The following TECR variants were observed in gnomAD, a reference collection of about 807,000 sequenced individuals.
TECR encodes the protein very-long-chain enoyl-CoA reductase.
TECR carries 19 observed loss-of-function variants against 50.6 expected under a neutral mutation model. The ratio of observed to expected loss-of-function variants is 0.38; its 90% CI spans 0.26 to 0.55. The LOEUF is 0.55. Ranked by LOEUF, TECR falls within the 20% of genes least tolerant of loss-of-function variation. TECR has a pLI of 0.79. For missense variants in TECR, 313 were observed against 408.3 expected, an observed-to-expected ratio of 0.77 and a Z score of 2.01; for synonymous variants, 168 against 163.5, an observed-to-expected ratio of 1.03 and a Z score of -0.21.
rs552655055 is a variant in TECR at position 14,557,132 on chromosome 19, T to A, written c.16-5393T>A. On this transcript the variant is annotated intron_variant, in intron 1 of 12. Coordinates refer to ENST00000215567, the MANE Select transcript of TECR (RefSeq NM_138501.6). ...GTCTAATCTTATTTATTTATTTATT[T>A]ATTTATTTATTTATTTATTTATTTT... Among the ~76,000 whole-genome samples the A allele has an allele frequency of 2.7e-3, 406 of 150,344 alleles. 4 individuals are homozygous for A. Among genetic ancestry groups the A allele is most frequent in the African/African-American group, 9.5e-3 (389 of 41,002 alleles).
At position 14,563,201 on chromosome 19, in the gene TECR, C is replaced by G; in HGVS notation, c.67-5C>G. On this transcript the variant is annotated splice_polypyrimidine_tract_variant and splice_region_variant and intron_variant, in intron 2 of 12. Coordinates refer to ENST00000215567, the MANE Select transcript of TECR (RefSeq NM_138501.6). This position sits in a 1 kb window ranked among gnomAD's most constrained non-coding sequence, Gnocchi z 5.3. ...CTGACGTCCCTGCGCCTGTGCTTCC[C>G]CCAGGTGGAGCCCCACGCCACCATT... is the stretch of plus-strand genomic sequence containing the variant. The G allele has an allele frequency of 6.2e-7, 1 of 1,614,004 alleles. No homozygotes were observed. The highest frequency in any genetic ancestry group is 8.5e-7 in the Non-Finnish European group (1 of 1,179,932).
intron 1 of TECR, among the ~76,000 whole-genome samples, chr19:14,561,124 C>A (rs1253145919): frequency 6.6e-6 from 1 of 152,032 alleles, no homozygotes; most frequent in African/African-American, 2.4e-5. Flanking sequence ...CTGGCTTGAC[C>A]GTGGTGCCCT....
chr19:14,556,435 C>T (rs987136129), intron 1 of TECR, among the ~76,000 whole-genome samples: 1 of 52,264 alleles, frequency 1.9e-5, no homozygotes, highest in Non-Finnish European at 4.1e-5. Flanking sequence ...CAAAAAAAAC[C>T]ACATTGTGAC....
chr19:14,560,859 C>T (rs566768444), intron 1 of TECR, among the ~76,000 whole-genome samples: 45 of 152,300 alleles, frequency 3.0e-4, no homozygotes, highest in Admixed American at 2.6e-4. Flanking sequence ...GCAACAATGC[C>T]TCCTATCCCA....
intron 1 of TECR, among the ~76,000 whole-genome samples, chr19:14,557,670 T>C (rs1433012015): frequency 2.6e-5 from 4 of 151,784 alleles, no homozygotes; most frequent in African/African-American, 9.7e-5. Context: ...CAGGCTGGTC[T>C]TGAACTCCTG....
chr19:14,543,620 A>T (rs1205007811), intron 1 of TECR, among the ~76,000 whole-genome samples: 1 of 147,940 alleles, frequency 6.8e-6, no homozygotes, highest in Non-Finnish European at 1.5e-5. Flanking sequence ...TTGTATTTTT[A>T]GTAGAGACGG....
intron 1 of TECR, 112 bp downstream of exon 1, chr19:14,529,823 A>G: frequency 1.3e-6 from 2 of 1,511,532 alleles, no homozygotes; most frequent in Non-Finnish European, 1.8e-6. Context: ...GAAGAGCCAG[A>G]CGGCGCAGGC....
chr19:14,564,025 T>C lies in TECR; in HGVS notation c.311T>C (p.Leu104Pro). ...EYAGPLFIYL[L>P]FYFRVPFIYG... is the part of the protein sequence containing the mutation. ...GCGGGGCCCCTTTTCATCTACCTGC[T>C]CTTCTACTTCCGAGTGCCCTTCATC... Residue 104 changes from leucine (L) to proline (P), a missense_variant, in exon 6 of 13, where the codon CTC becomes CCC. Physicochemically the swap from Leu to Pro is moderately conservative, Grantham distance 98. Coordinates refer to ENST00000215567, the MANE Select transcript of TECR (RefSeq NM_138501.6). The C allele has an allele frequency of 6.2e-7, 1 of 1,613,948 alleles. No individual in the cohort carries two copies. Among genetic ancestry groups the C allele is most frequent in the Non-Finnish European group, 8.5e-7 (1 of 1,179,938 alleles).
chr19:14,563,774 C>T lies in TECR; in HGVS notation c.164-26C>T. On this transcript the variant is annotated intron_variant, in intron 4 of 12. Coordinates refer to ENST00000215567, the MANE Select transcript of TECR (RefSeq NM_138501.6). This position sits in a 1 kb window ranked among gnomAD's most constrained non-coding sequence, Gnocchi z 5.3. ...CAGTGGGAGAAGGCCCGGGTAGCCC[C>T]TGAGCCCTGGCCCGCCTCTCTGCAG... is the stretch of plus-strand genomic sequence containing the variant. 1.2e-6 allele frequency: 2 copies of T among 1,612,714 alleles called. No homozygotes were observed. Among genetic ancestry groups the T allele is most frequent in the Non-Finnish European group, 1.7e-6 (2 of 1,179,720 alleles).
In TECR at chr19:14,565,682, C is replaced by T. The variant is rs1354828486; in HGVS notation, c.799+19C>T. On this transcript the variant is annotated intron_variant, in intron 12 of 12. Transcript: ENST00000215567. The stretch of plus-strand genomic sequence containing the variant: ...CTCCCAGGTGAGCCTGCCGCCCTCC[C>T]TCGGCGGGGCCCTGCCCCTCCGGGC... 1.9e-5 allele frequency: 31 copies of T among 1,611,866 alleles called. No homozygotes were observed. The Admixed American group carries it at 5.0e-4, about 26-fold the overall frequency.
chr19:14,554,471 C>A (rs2073648764), intron 1 of TECR, among the ~76,000 whole-genome samples: 1 of 152,136 alleles, frequency 6.6e-6, no homozygotes, highest in Non-Finnish European at 1.5e-5. Context: ...ACTCTGCCGC[C>A]AGCAAGGCCA....
At chr19:14,529,367 G>A (rs899714764), upstream of TECR, 4 of 515,542 alleles carry the variant, frequency 7.8e-6, no homozygotes, top group Non-Finnish European at 1.4e-5. Context: ...GCGGGGCAGA[G>A]ACCTCCTTTG....
chr19:14,549,252 C>T (rs926207330), intron 1 of TECR, among the ~76,000 whole-genome samples: 19 of 136,386 alleles, frequency 1.4e-4, no homozygotes, highest in East Asian at 4.3e-4. Flanking sequence ...CTCACTCTGT[C>T]GCCAGGCTGG....
chr19:14,533,083 G>T (rs1396640154), intron 1 of TECR, among the ~76,000 whole-genome samples: 1 of 151,726 alleles, frequency 6.6e-6, no homozygotes, highest in South Asian at 2.1e-4. Context: ...CTGTACTCCA[G>T]CCTGGGTGAC....
intron 1 of TECR, among the ~76,000 whole-genome samples, chr19:14,556,575 C>T (rs1599480369): frequency 6.6e-6 from 1 of 152,094 alleles, no homozygotes; most frequent in African/African-American, 2.4e-5. Context: ...CAGAGGCTGG[C>T]TTGGTTTTTT....
intron 1 of TECR, among the ~76,000 whole-genome samples, chr19:14,548,390 T>C (rs2073376929): frequency 6.6e-6 from 1 of 152,152 alleles, no homozygotes; most frequent in Non-Finnish European, 1.5e-5. Flanking sequence ...TGTTTGACTC[T>C]GCTCTTTCTC....
At chr19:14,557,998 G>A (rs368887696) in intron 1 of TECR, among the ~76,000 whole-genome samples, 1 of 151,922 alleles carries the variant, frequency 6.6e-6, no homozygotes, top group Non-Finnish European at 1.5e-5. Flanking sequence ...CTCGTGATTC[G>A]CCCGCCTCGG....
At chr19:14,548,663 C>T (rs551412795) in intron 1 of TECR, among the ~76,000 whole-genome samples, 17 of 152,036 alleles carry the variant, frequency 1.1e-4, no homozygotes, top group East Asian at 7.8e-4. Context: ...CTGCAACCTC[C>T]GCTTCCCAGG....
chr19:14,546,748 G>C (rs150547652), intron 1 of TECR, among the ~76,000 whole-genome samples: 20 of 152,056 alleles, frequency 1.3e-4, no homozygotes, highest in African/African-American at 4.8e-4. Context: ...GCCGTGTCGC[G>C]ATCTTGGCTT....
Sources: allele counts gnomAD v4.1 joint callset (sites outside exome capture counted in the v4.1 genomes callset), GRCh38; gene constraint gnomAD v4.1.1; non-coding constraint Gnocchi (gnomAD v3.1); transcripts MANE v1.5; gene names NCBI Gene and HGNC (gene_info 2026-07-23, HGNC 2026-07-21).